The following ASPH variants were observed in gnomAD, a reference collection of about 807,000 sequenced individuals.
The protein encoded by ASPH is aspartate beta-hydroxylase, also known as aspartyl/asparaginyl beta-hydroxylase.
In ASPH, 100 loss-of-function variants were observed where a neutral mutation model predicts 118.4. That is an observed-to-expected ratio of 0.84 (90% CI 0.72 to 1.00). The LOEUF is 1.00. ASPH is among the 50% of genes least tolerant of loss of function. The pLI, the probability that ASPH is intolerant of heterozygous loss-of-function variation, is 0.00. For synonymous variants in ASPH, 315 were observed against 325.6 expected, an observed-to-expected ratio of 0.97 and a Z score of 0.35; for missense variants, 920 against 919.5, an observed-to-expected ratio of 1.00 and a Z score of -0.01.
At chr8:61,508,420 C>CCAT (rs1807476657) in intron 24 of ASPH, among the ~76,000 whole-genome samples, 1 of 152,070 alleles carries the variant, frequency 6.6e-6, no homozygotes, top group Non-Finnish European at 1.5e-5. Context: ...CATAATCTGT[C>CCAT]AACTTCTCAA....
chr8:61,646,658 A>G (rs567480834), intron 6 of ASPH, 92 bp downstream of exon 6: 1 of 1,306,534 alleles, frequency 7.7e-7, no homozygotes, highest in African/African-American at 1.5e-5. Flanking sequence ...GCAAAAGTTA[A>G]ATATCAGTTT....
At chr8:61,563,040 T>C (rs1257268677) in intron 17 of ASPH, among the ~76,000 whole-genome samples, 160 bp from the exon 18 acceptor site, 1 of 152,210 alleles carries the variant, frequency 6.6e-6, no homozygotes, top group African/African-American at 2.4e-5. Flanking sequence ...GATTTCATAA[T>C]GTAGTTGCAA....
rs1329239557 is a variant in ASPH, at chr8:61,714,277, G to T, written c.95C>A (p.Ala32Asp). The T allele has an allele frequency of 2.0e-6, 3 of 1,515,926 alleles. No individual in the cohort carries two copies. The highest frequency in any genetic ancestry group is 2.6e-6 in the Non-Finnish European group (3 of 1,134,746). The allele number at this position is 1,515,926 out of a possible 1,614,324, so 93.9% of individuals were successfully genotyped here. A position where few individuals can be genotyped will look rare whatever the true frequency, so the allele number is the denominator to read the frequency against. Residue 32 changes from alanine (A) to aspartate (D), a missense_variant, in exon 1 of 25, where the codon GCC (alanine) becomes GAC (aspartate). Coordinates refer to ENST00000379454, the MANE Select transcript of ASPH (RefSeq NM_004318.4). ...STSAGSSSPG[A>D]RRETKHGGHK... ...CCCGCAGGGCCTCTGACCTCTCCGG[G>T]CCCCGGGGCTGCTGCTGCCCGCACT... is the stretch of plus-strand genomic sequence containing the variant.
chr8:61,600,232 A>G (rs1275675160), intron 14 of ASPH, among the ~76,000 whole-genome samples: 2 of 152,216 alleles, frequency 1.3e-5, no homozygotes, highest in African/African-American at 2.4e-5. Flanking sequence ...ATATACCTCA[A>G]CATAATAAAG....
intron 16 of ASPH, among the ~76,000 whole-genome samples, chr8:61,572,610 T>C (rs528166533): frequency 4.6e-5 from 7 of 152,116 alleles, no homozygotes; most frequent in African/African-American, 1.7e-4. Context: ...ATCTAATCCA[T>C]CCTCAAGTCC....
chr8:61,506,578 T>C (rs987297794), intron 24 of ASPH, among the ~76,000 whole-genome samples: 1 of 152,112 alleles, frequency 6.6e-6, no homozygotes, highest in Non-Finnish European at 1.5e-5. Flanking sequence ...AGATGGAAAT[T>C]TATGGTCTTT....
At chr8:61,666,564 C>G (rs1819711149) in intron 3 of ASPH, among the ~76,000 whole-genome samples, 1 of 152,132 alleles carries the variant, frequency 6.6e-6, no homozygotes, top group Non-Finnish European at 1.5e-5. Flanking sequence ...TCACATAAAA[C>G]TTACATAGCA....
At chr8:61,651,903 A>C (rs920443189) in intron 4 of ASPH, among the ~76,000 whole-genome samples, 3 of 152,244 alleles carry the variant, frequency 2.0e-5, no homozygotes, top group African/African-American at 7.2e-5. Context: ...TTCAGTGAAT[A>C]GAAGTAGCAC....
chr8:61,545,893 G>T (rs1180001661), intron 21 of ASPH, among the ~76,000 whole-genome samples: 2 of 152,122 alleles, frequency 1.3e-5, no homozygotes, highest in Non-Finnish European at 2.9e-5. Context: ...ACTTAAATTG[G>T]CTCAATAAGA....
chr8:61,702,376 C>T (rs1835453807), intron 1 of ASPH, among the ~76,000 whole-genome samples: 2 of 151,516 alleles, frequency 1.3e-5, no homozygotes, highest in South Asian at 4.2e-4. Context: ...GCTCCGCCTC[C>T]CGGGTTCACG....
intron 5 of ASPH, among the ~76,000 whole-genome samples, chr8:61,650,402 C>CA (rs1810361675): frequency 2.0e-5 from 3 of 152,104 alleles, no homozygotes. Flanking sequence ...ATCAGGATTC[C>CA]AGAACATCCT....
At chr8:61,587,334 T>C (rs896171609) in intron 14 of ASPH, among the ~76,000 whole-genome samples, 2 of 152,214 alleles carry the variant, frequency 1.3e-5, no homozygotes, top group Non-Finnish European at 2.9e-5. Context: ...TTGATGGTAG[T>C]AGGAGCTCAT....
chr8:61,673,216 G>A lies in ASPH; in HGVS notation c.322+7752C>T, dbSNP rs533519027. On this transcript the variant is annotated intron_variant, in intron 3 of 24. Coordinates refer to ENST00000379454, the MANE Select transcript of ASPH (RefSeq NM_004318.4). ...CACTATTCCATATGTCCTCAGCACC[G>A]AGGCGTCTGCAGGATCCCCAGGGCA... 2.0e-5 allele frequency among the ~76,000 whole-genome samples: 3 copies of A among 152,232 alleles called. No individual in the cohort carries two copies. In the South Asian group the frequency reaches 6.2e-4, roughly 32 times the overall value.
Position 61,682,716 on chromosome 8 carries a change from T to C in ASPH, c.253+1323A>G, listed in dbSNP as rs549489438. On this transcript the variant is annotated intron_variant, in intron 2 of 24. Transcript: ENST00000379454. The stretch of plus-strand genomic sequence containing the variant: ...ATGAAAAACTTCAATGAAAGACAGA[T>C]TACAAATAAGCATATTTTGTTATTC... Among the ~76,000 whole-genome samples, 3 of 152,252 alleles carry C rather than the reference T, an allele frequency of 2.0e-5. No homozygotes were observed. In the South Asian group the frequency reaches 6.2e-4, roughly 32 times the overall value.
chr8:61,694,004 G>T (rs1195271570), intron 1 of ASPH, among the ~76,000 whole-genome samples: 14 of 152,146 alleles, frequency 9.2e-5, no homozygotes, highest in Admixed American at 1.3e-4. Flanking sequence ...CCTCAGCTGG[G>T]CCTCGGTGCT....
At chr8:61,532,118 T>C (rs1817806744) in intron 21 of ASPH, among the ~76,000 whole-genome samples, 1 of 152,142 alleles carries the variant, frequency 6.6e-6, no homozygotes, top group South Asian at 2.1e-4. Flanking sequence ...CTCCACATGG[T>C]TTTCCATTAT....
chr8:61,505,933 T>C (rs1377656634), intron 24 of ASPH, among the ~76,000 whole-genome samples: 1 of 152,170 alleles, frequency 6.6e-6, no homozygotes, highest in Non-Finnish European at 1.5e-5. Context: ...GTCACCGGGA[T>C]TAAGCAATGT....
chr8:61,562,630 A>C, intron 18 of ASPH, 114 bp downstream of exon 18: 1 of 1,073,420 alleles, frequency 9.3e-7, no homozygotes, highest in Non-Finnish European at 1.3e-6. Context: ...CTATAATAAT[A>C]CTTACATGCT....
At chr8:61,601,550 A>C (rs1843988742) in intron 14 of ASPH, among the ~76,000 whole-genome samples, 1 of 149,696 alleles carries the variant, frequency 6.7e-6, no homozygotes, top group Non-Finnish European at 1.5e-5. Context: ...AAAAAAAGAG[A>C]GAGAGAGAAA....
Sources: allele counts gnomAD v4.1 joint callset (sites outside exome capture counted in the v4.1 genomes callset), GRCh38; gene constraint gnomAD v4.1.1; transcripts MANE v1.5; gene names NCBI Gene and HGNC (gene_info 2026-07-23, HGNC 2026-07-21).